Variants in AKAP7 observed in about 807,000 individuals in gnomAD.
AKAP7 encodes the protein A-kinase anchoring protein 7, also known as A kinase (PRKA) anchor protein 7.
A neutral mutation model predicts 39.5 loss-of-function variants in AKAP7; 39 were observed. The observed-to-expected ratio is 0.99, with a 90% CI of 0.76 to 1.29. AKAP7 has a LOEUF of 1.29. Ranked by LOEUF, AKAP7 falls within the 50% of genes most tolerant of loss-of-function variation. The pLI is 0.00. For synonymous variants in AKAP7, 140 were observed against 139.1 expected (o/e 1.01, Z -0.05); for missense variants, 414 against 407.7 (o/e 1.02, Z -0.13).
chr6:131,251,697 G>C (rs1413860266), intron 7 of AKAP7, among the ~76,000 whole-genome samples: 1 of 152,222 alleles, frequency 6.6e-6, no homozygotes, highest in Non-Finnish European at 1.5e-5. Context: ...GCATTTGATT[G>C]TTAACAAGGA....
rs200013540 is a variant in AKAP7 at position 131,212,153 on chromosome 6, TATC to T, written c.703-7505_703-7503del. Among the ~76,000 whole-genome samples the T allele has an allele frequency of 5.0e-3, 760 of 152,366 alleles. 4 individuals are homozygous for T. The highest frequency in any genetic ancestry group is 7.4e-3 in the Non-Finnish European group (506 of 68,042). On this transcript the variant is annotated intron_variant, in intron 6 of 7. Coordinates refer to ENST00000431975, the MANE Select transcript of AKAP7 (RefSeq NM_016377.4). ...GCTTTCACACGTCGTAAAGTTGAAA[TATC>T]ATATGTTGAATCATCCTAAGTCAGG...
At chr6:131,166,728 G>T (rs1803535490) in intron 4 of AKAP7, among the ~76,000 whole-genome samples, 1 of 152,138 alleles carries the variant, frequency 6.6e-6, no homozygotes, top group African/African-American at 2.4e-5. Context: ...CCTCACTTTG[G>T]GGCAGCTAGA....
chr6:131,221,220 A>G (rs1249615380), intron 7 of AKAP7, among the ~76,000 whole-genome samples: 1 of 152,218 alleles, frequency 6.6e-6, no homozygotes, highest in African/African-American at 2.4e-5. Flanking sequence ...AGTGGTCTAG[A>G]TAGAAGATCA....
rs1326981492 is a variant in AKAP7, at chr6:131,203,937, G to A, written c.702+4364G>A. 7.2e-5 allele frequency among the ~76,000 whole-genome samples: 11 copies of A among 152,226 alleles called. No individual in the cohort carries two copies. The East Asian group carries it at 2.1e-3, about 29-fold the overall frequency. ...CCAATTCTTTGAAGTGGAATTCTAA[G>A]AGCAGAGGGTATTAGACATTATAAA... On this transcript the variant is annotated intron_variant, in intron 6 of 7. Coordinates refer to ENST00000431975, the MANE Select transcript of AKAP7 (RefSeq NM_016377.4).
intron 1 of AKAP7, chr6:131,136,969 T>C (rs1800598882): frequency 1.4e-6 from 1 of 693,814 alleles, no homozygotes; most frequent in Non-Finnish European, 1.8e-6. Context: ...TATATGTATA[T>C]ATGTATTTAG....
chr6:131,174,469 G>A (rs1046851194), intron 5 of AKAP7, among the ~76,000 whole-genome samples: 5 of 152,216 alleles, frequency 3.3e-5, no homozygotes, highest in Non-Finnish European at 5.9e-5. Context: ...GGCTTGCGCC[G>A]ATAATCCCAG....
chr6:131,241,721 C>G (rs1284696245), intron 7 of AKAP7, among the ~76,000 whole-genome samples: 1 of 151,148 alleles, frequency 6.6e-6, no homozygotes, highest in Admixed American at 6.6e-5. Flanking sequence ...CCTGGGAAAC[C>G]TAGAACTTCA....
the AKAP7 span, among the ~76,000 whole-genome samples, chr6:131,126,852 CTGCCTGCATATCAGG>C: frequency 6.6e-6 from 1 of 152,052 alleles, no homozygotes; most frequent in Non-Finnish European, 1.5e-5. Flanking sequence ...GGCTAAGTGG[CTGCCTGCATATCAGG>C]TGTACAGAGT....
At chr6:131,157,782 C>T (rs560280592) in intron 2 of AKAP7, among the ~76,000 whole-genome samples, 28 of 152,242 alleles carry the variant, frequency 1.8e-4, no homozygotes, top group Middle Eastern at 3.4e-3. Flanking sequence ...ATATTTTAAA[C>T]GTGTATCCTC....
intron 5 of AKAP7, among the ~76,000 whole-genome samples, chr6:131,175,186 C>T (rs1246783599): frequency 6.6e-6 from 1 of 152,116 alleles, no homozygotes; most frequent in Non-Finnish European, 1.5e-5. Context: ...TCATCATTTT[C>T]ACATTGAGTG....
At chr6:131,184,454 A>C (rs1805615701) in intron 5 of AKAP7, 1 of 661,196 alleles carries the variant, frequency 1.5e-6, no homozygotes, top group African/African-American at 1.8e-5. Flanking sequence ...CGTAGCCATG[A>C]TCGCAGCATC....
In AKAP7 at chr6:131,160,443, G is replaced by T. The variant is rs139835210; in HGVS notation, c.291+245G>T. 5.5e-3 allele frequency among the ~76,000 whole-genome samples: 832 copies of T among 152,332 alleles called. 11 individuals carry two copies. The highest frequency in any genetic ancestry group is 0.019 in the African/African-American group (799 of 41,566). On this transcript the variant is annotated intron_variant, in intron 3 of 7. Coordinates refer to ENST00000431975, the MANE Select transcript of AKAP7 (RefSeq NM_016377.4). ...ACCCAGGCTGGAGTGCAGTGGCACA[G>T]TCATAGCTCACTGCAGCTTTGAACT...
Position 131,282,694 on chromosome 6 carries a change from A to G in AKAP7, c.*968A>G, listed in dbSNP as rs1351504128. On this transcript the variant is annotated 3_prime_UTR_variant, in exon 8 of 8. Coordinates refer to ENST00000431975, the MANE Select transcript of AKAP7 (RefSeq NM_016377.4). ...GGTAAACACCAAAGAAGTTTCTGAT[A>G]GTGTCTGCACAACAGCAAACCAACA... is the stretch of plus-strand genomic sequence containing the variant. The G allele has an allele frequency of 4.4e-6, 5 of 1,144,808 alleles. No individual in the cohort carries two copies. The East Asian group carries it at 1.3e-4, about 30-fold the overall frequency. 70.9% of individuals were successfully genotyped at this position (1,144,808 alleles called of 1,614,324 possible). A position where few individuals can be genotyped will look rare whatever the true frequency, so the allele number is the denominator to read the frequency against.
rs1291366036 is a variant in AKAP7 at position 131,199,537 on chromosome 6, C to T, written c.666C>T (p.Phe222=). Residue 222 remains phenylalanine, a synonymous_variant, in exon 6 of 8, where the codon TTC becomes TTT. Coordinates refer to ENST00000431975, the MANE Select transcript of AKAP7 (RefSeq NM_016377.4). The part of the protein sequence containing the change: ...ESRSFKPHLT[F]MKLSKSPWLR... ...GAAGTTTTAAACCTCATTTGACCTT[C>T]ATGAAGTTGTCAAAATCACCGTGGC... 6.2e-7 allele frequency: 1 copy of T among 1,611,850 alleles called. No homozygotes were observed. The highest frequency in any genetic ancestry group is 2.2e-5 in the East Asian group (1 of 44,850).
chr6:131,154,659 A>C (rs189223905), intron 2 of AKAP7, among the ~76,000 whole-genome samples: 1 of 152,112 alleles, frequency 6.6e-6, no homozygotes, highest in East Asian at 1.9e-4. Context: ...AATCTTTAAG[A>C]AAAAATTCAA....
intron 2 of AKAP7, among the ~76,000 whole-genome samples, chr6:131,152,891 G>T (rs1802054022): frequency 6.6e-6 from 1 of 151,082 alleles, no homozygotes; most frequent in African/African-American, 2.4e-5. Context: ...CACTTTGGGA[G>T]GCCAGGGCGG....
chr6:131,218,441 T>A (rs1046682925), intron 6 of AKAP7, among the ~76,000 whole-genome samples: 1 of 148,938 alleles, frequency 6.7e-6, no homozygotes, highest in Non-Finnish European at 1.5e-5. Context: ...AAATATACTT[T>A]GTGTTGGCAA....
At chr6:131,193,102 G>C (rs1470436991) in intron 5 of AKAP7, among the ~76,000 whole-genome samples, 3 of 151,988 alleles carry the variant, frequency 2.0e-5, no homozygotes, top group Non-Finnish European at 4.4e-5. Flanking sequence ...CTCTAGCTAG[G>C]ACTTCTATTG....
chr6:131,135,580 A>C lies in AKAP7; in HGVS notation c.-184A>C. 2 of 327,926 alleles carry C rather than the reference A, an allele frequency of 6.1e-6. No individual in the cohort carries two copies. The highest frequency in any genetic ancestry group is 8.7e-6 in the Non-Finnish European group (2 of 228,588). 20.3% of individuals were successfully genotyped at this position (327,926 alleles called of 1,614,324 possible). A position where few individuals can be genotyped will look rare whatever the true frequency, so the allele number is the denominator to read the frequency against. On this transcript the variant is annotated 5_prime_UTR_variant, in exon 1 of 8. Coordinates refer to ENST00000431975, the MANE Select transcript of AKAP7 (RefSeq NM_016377.4). Reference sequence around the variant, plus strand: ...GGCTTGGGAAGCTCCGCGCTTCCGCAGGCCTGGCCTCCGCCGCCCGGGCCC... The same window carrying C: ...GGCTTGGGAAGCTCCGCGCTTCCGCCGGCCTGGCCTCCGCCGCCCGGGCCC...
Sources: gnomAD v4.1 joint callset for allele counts (sites outside exome capture counted in the v4.1 genomes callset) on GRCh38, gnomAD v4.1.1 for gene constraint, MANE v1.5 for transcripts, NCBI Gene and HGNC (gene_info 2026-07-23, HGNC 2026-07-21) for gene names.